The following EGF variants were observed in gnomAD, a reference collection of about 807,000 sequenced individuals.
The protein encoded by EGF is epidermal growth factor.
Under a neutral mutation model 143.8 loss-of-function variants are expected in EGF, and 95 were observed. The observed-to-expected ratio is 0.66, with a 90% confidence interval of 0.56 to 0.78. The LOEUF is 0.78. Among genes scored for constraint, EGF ranks in the 30% least tolerant of loss-of-function variants. EGF has a pLI of 0.00. For missense variants in EGF, 1,320 were observed against 1,470.9 expected, an observed-to-expected ratio of 0.90 and a Z score of 1.68; for synonymous variants, 510 against 510.5, an observed-to-expected ratio of 1.00 and a Z score of 0.01.
intron 5 of EGF, among the ~76,000 whole-genome samples, chr4:109,946,987 C>T (rs111460249): frequency 0.028 from 4,284 of 152,086 alleles, 80 homozygotes; most frequent in Non-Finnish European, 0.042. Context: ...GGCATGGTGG[C>T]GCATGTCTGT....
chr4:109,970,845 A>AAAAAAAAAAAC (rs1747528433), intron 11 of EGF, among the ~76,000 whole-genome samples: 1 of 151,302 alleles, frequency 6.6e-6, no homozygotes, highest in African/African-American at 2.4e-5. Flanking sequence ...AAAAAAAAAA[A>AAAAAAAAAAAC]ATCTGTTGAT....
intron 4 of EGF, among the ~76,000 whole-genome samples, chr4:109,944,446 A>C (rs1579551786): frequency 6.6e-6 from 1 of 152,232 alleles, no homozygotes; most frequent in East Asian, 1.9e-4. Flanking sequence ...CTCAAGAAAA[A>C]GACTTGAGTT....
intron 22 of EGF, among the ~76,000 whole-genome samples, chr4:110,005,707 A>G (rs999200160): frequency 6.6e-6 from 1 of 152,224 alleles, no homozygotes; most frequent in Non-Finnish European, 1.5e-5. Context: ...TTCCATTTCT[A>G]GAAACCTGTC....
intron 16 of EGF, among the ~76,000 whole-genome samples, chr4:109,984,519 A>T (rs1460413306): frequency 6.6e-6 from 1 of 152,196 alleles, no homozygotes; most frequent in East Asian, 1.9e-4. Flanking sequence ...CAAGTATATC[A>T]AAATCTGCAC....
At chr4:109,972,990 C>T (rs575562939) in intron 11 of EGF, among the ~76,000 whole-genome samples, 35 of 152,304 alleles carry the variant, frequency 2.3e-4, no homozygotes, top group African/African-American at 7.9e-4. Context: ...AGGCCTTTAA[C>T]AGATGTTTAT....
intron 1 of EGF, among the ~76,000 whole-genome samples, chr4:109,927,756 T>G (rs1265482533): frequency 2.1e-5 from 3 of 142,866 alleles, no homozygotes; most frequent in Non-Finnish European, 4.6e-5. Flanking sequence ...TGTCCAAAAG[T>G]AGATGCAAAA....
intron 5 of EGF, among the ~76,000 whole-genome samples, chr4:109,947,155 A>G (rs944033270): frequency 1.3e-4 from 19 of 142,532 alleles, no homozygotes; most frequent in African/African-American, 4.8e-4. Flanking sequence ...TTAGGTTTTT[A>G]TGAAATACCA....
At chr4:109,941,485 G>A (rs1054213035) in intron 2 of EGF, among the ~76,000 whole-genome samples, 1 of 152,066 alleles carries the variant, frequency 6.6e-6, no homozygotes, top group East Asian at 1.9e-4. Context: ...TCAGGTGGGG[G>A]GCAATTTTTC....
chr4:109,955,712 A>T (rs1227239472), intron 5 of EGF, among the ~76,000 whole-genome samples: 3 of 152,140 alleles, frequency 2.0e-5, no homozygotes, highest in African/African-American at 7.2e-5. Flanking sequence ...ACAAATAGGG[A>T]GTTAGGTTGC....
chr4:109,990,732 C>G (rs986751153), intron 18 of EGF, among the ~76,000 whole-genome samples: 1 of 152,134 alleles, frequency 6.6e-6, no homozygotes, highest in Non-Finnish European at 1.5e-5. Flanking sequence ...CAGATGGCCA[C>G]CTGCTCACTG....
At position 109,961,969 on chromosome 4, in the gene EGF, T is replaced by C; in HGVS notation, c.1296T>C (p.Asp432=). 2 of 1,613,884 alleles carry C rather than the reference T, an allele frequency of 1.2e-6. No homozygotes were observed. Among genetic ancestry groups the C allele is most frequent in the Non-Finnish European group, 1.7e-6 (2 of 1,179,804 alleles). The part of the protein sequence containing the change: ...FCPEGSVLER[D]GKTCSGCSSP... ...CTGAAGGCTCAGTGCTTGAGAGAGA[T>C]GGGAAAACATGTAGCGGTGAGTTTA... The change falls in exon 8 of 24, where the codon GAT becomes GAC. Residue 432 remains aspartate, a synonymous_variant. Transcript: ENST00000265171.
chr4:109,963,642 T>C (rs1746071567), intron 9 of EGF, among the ~76,000 whole-genome samples: 1 of 152,232 alleles, frequency 6.6e-6, no homozygotes, highest in Non-Finnish European at 1.5e-5. Flanking sequence ...TTTATCTCTC[T>C]ACTGAATATA....
Position 109,983,487 on chromosome 4 carries a change from G to A in EGF, c.2437G>A (p.Glu813Lys). Reference sequence around the variant, plus strand: ...CATCTTGTCCAAGACTAGAGTGTCAGAAGATAACATTACAGAATCTCAACA... The same window carrying A: ...CATCTTGTCCAAGACTAGAGTGTCAAAAGATAACATTACAGAATCTCAACA... ...LDILSKTRVS[E>K]DNITESQHML... The change falls in exon 16 of 24, where the codon GAA (glutamate) becomes AAA (lysine). Residue 813 changes from glutamate (E) to lysine (K), a missense_variant. Glu to Lys is a moderately conservative substitution (Grantham distance 56). Coordinates refer to ENST00000265171, the MANE Select transcript of EGF (RefSeq NM_001963.6). 1.2e-6 allele frequency: 2 copies of A among 1,613,842 alleles called. No homozygotes were observed. Among genetic ancestry groups the A allele is most frequent in the Non-Finnish European group, 1.7e-6 (2 of 1,179,844 alleles).
Position 109,973,626 on chromosome 4 carries a change from T to TCC in EGF, c.1725-1076_1725-1075dup, listed in dbSNP as rs61128813. 7.6e-3 allele frequency among the ~76,000 whole-genome samples: 1,140 copies of TCC among 149,978 alleles called. 10 individuals carry two copies. Among genetic ancestry groups the TCC allele is most frequent in the African/African-American group, 0.027 (1,085 of 40,784 alleles). On this transcript the variant is annotated intron_variant, in intron 11 of 23. Transcript: ENST00000265171. ...CCGACCTCTCCTCCTTCCCTTTCCC[T>TCC]CCACCTTTTCTTCCCCTCCCCGTCC...
rs1749676287 is a variant in EGF at position 109,983,411 on chromosome 4, A to G, written c.2372-11A>G. On this transcript the variant is annotated splice_polypyrimidine_tract_variant and intron_variant, in intron 15 of 23. Coordinates refer to ENST00000265171, the MANE Select transcript of EGF (RefSeq NM_001963.6). ...AAGCTAAATTTAATTGCATCTATTGACCTTCAATAGGTGGTGAAGTTGATC... is the reference window on the plus strand; with the variant it reads ...AAGCTAAATTTAATTGCATCTATTGGCCTTCAATAGGTGGTGAAGTTGATC... The G allele has an allele frequency of 6.2e-7, 1 of 1,613,202 alleles. No individual in the cohort carries two copies. Among genetic ancestry groups the G allele is most frequent in the South Asian group, 1.1e-5 (1 of 91,012 alleles).
At chr4:109,992,170 T>TAAAAAAAAAAAAAAAAAAAAAAAA (rs58841408) in intron 18 of EGF, among the ~76,000 whole-genome samples, 3 of 65,638 alleles carry the variant, frequency 4.6e-5, no homozygotes, top group Non-Finnish European at 7.9e-5. Flanking sequence ...CAAGATTCTT[T>TAAAAAAAAAAAAAAAAAAAAAAAA]AAAAAAAAAA....
intron 15 of EGF, among the ~76,000 whole-genome samples, chr4:109,981,399 CT>C: frequency 6.6e-6 from 1 of 152,266 alleles, no homozygotes; most frequent in East Asian, 1.9e-4. Flanking sequence ...TAAAAAATAA[CT>C]TCAGGATATC....
chr4:109,918,088 C>T (rs776960606), intron 1 of EGF, among the ~76,000 whole-genome samples: 1 of 152,102 alleles, frequency 6.6e-6, no homozygotes, highest in Non-Finnish European at 1.5e-5. Context: ...CAACAAATAA[C>T]GTATCTAATA....
At chr4:109,954,138 G>T (rs573452967) in intron 5 of EGF, among the ~76,000 whole-genome samples, 1 of 152,114 alleles carries the variant, frequency 6.6e-6, no homozygotes, top group Non-Finnish European at 1.5e-5. Context: ...TGCAACCTCC[G>T]CCTCCCAGGT....
Sources: allele counts gnomAD v4.1 joint callset (sites outside exome capture counted in the v4.1 genomes callset), GRCh38; gene constraint gnomAD v4.1.1; transcripts MANE v1.5; gene names NCBI Gene and HGNC (gene_info 2026-07-23, HGNC 2026-07-21).